LRRC17: variants seen among roughly 807,000 people sequenced by gnomAD.
LRRC17 encodes leucine-rich repeat-containing protein 17.
A neutral mutation model predicts 41.5 loss-of-function variants in LRRC17; 33 were observed. The ratio of observed to expected loss-of-function variants is 0.80; its 90% CI spans 0.60 to 1.06. The LOEUF is 1.06. Among genes scored for constraint, LRRC17 ranks in the 50% least tolerant of loss-of-function variants. The pLI, the probability that LRRC17 is intolerant of heterozygous loss-of-function variation, is 0.00. For missense variants in LRRC17, 491 were observed against 519.3 expected, an observed-to-expected ratio of 0.95 and a Z score of 0.53; for synonymous variants, 192 against 197.0, an observed-to-expected ratio of 0.97 and a Z score of 0.21.
chr7:102,936,347 A>C (rs1438697394), intron 2 of LRRC17: 1 of 152,218 alleles, frequency 6.6e-6, no homozygotes, highest in East Asian at 1.9e-4. Flanking sequence ...TAAGAAGTGA[A>C]TCTTGGTCTA....
chr7:102,932,943 G>A (rs1330421118), intron 1 of LRRC17: 2 of 152,202 alleles, frequency 1.3e-5, no homozygotes, highest in Non-Finnish European at 2.9e-5. Context: ...TACTTATCAA[G>A]GAGATATAGC....
At chr7:102,919,738 T>C (rs1454405018) in intron 1 of LRRC17, among the ~76,000 whole-genome samples, 4 of 152,174 alleles carry the variant, frequency 2.6e-5, no homozygotes, top group African/African-American at 9.7e-5. Context: ...TGAAGAGAAG[T>C]TTCTGTTTAT....
chr7:102,939,446 AAAC>A lies in LRRC17; in HGVS notation c.794_796del (p.Asn265del), dbSNP rs756504821. On this transcript the variant is annotated inframe_deletion, in exon 3 of 4. Coordinates refer to ENST00000339431, the MANE Select transcript of LRRC17 (RefSeq NM_001031692.3). ...ATTTTCCAGAGTTGAAAAAAGTGCC[AAAC>A]AACATCCCTCCAGATATTGTTAAAC... 2.7e-5 allele frequency: 44 copies of A among 1,605,682 alleles called. No homozygotes were observed. The highest frequency in any genetic ancestry group is 3.7e-5 in the Non-Finnish European group (44 of 1,177,838).
intron 3 of LRRC17, among the ~76,000 whole-genome samples, chr7:102,942,732 T>C (rs1195833982): frequency 1.3e-5 from 2 of 152,114 alleles, no homozygotes; most frequent in African/African-American, 4.8e-5. Flanking sequence ...TAGAAAGTTA[T>C]TTTTTTAAGG....
intron 1 of LRRC17, among the ~76,000 whole-genome samples, chr7:102,919,595 T>C (rs1272135480): frequency 1.3e-5 from 2 of 152,142 alleles, no homozygotes; most frequent in African/African-American, 4.8e-5. Context: ...AAAAAATAGG[T>C]TACCAACAAA....
chr7:102,933,826 G>A lies in LRRC17; in HGVS notation c.-88G>A. 1 of 1,397,554 alleles carries A rather than the reference G, an allele frequency of 7.2e-7. No homozygotes were observed. Among genetic ancestry groups the A allele is most frequent in the Non-Finnish European group, 9.6e-7 (1 of 1,044,076 alleles). 86.6% of individuals were successfully genotyped at this position (1,397,554 alleles called of 1,614,324 possible). ...GTCTCATTGTTCCAGAACTGCATTAGTTAAGATTACCCAGACTTGGATTTC... is the reference window on the plus strand; with the variant it reads ...GTCTCATTGTTCCAGAACTGCATTAATTAAGATTACCCAGACTTGGATTTC... On this transcript the variant is annotated 5_prime_UTR_variant, in exon 2 of 4. Transcript: ENST00000339431.
intron 1 of LRRC17, among the ~76,000 whole-genome samples, chr7:102,918,735 G>A (rs931243822): frequency 6.6e-6 from 1 of 152,154 alleles, no homozygotes; most frequent in Admixed American, 6.6e-5. Context: ...GCTGGGTGTA[G>A]CCTGGGTGAA....
intron 1 of LRRC17, among the ~76,000 whole-genome samples, chr7:102,923,079 A>G (rs1817398645): frequency 6.6e-6 from 1 of 152,234 alleles, no homozygotes; most frequent in Non-Finnish European, 1.5e-5. Context: ...ACACAAGGTG[A>G]TATATGTCAA....
intron 3 of LRRC17, among the ~76,000 whole-genome samples, chr7:102,940,895 TATTAATA>T: frequency 6.6e-6 from 1 of 152,224 alleles, no homozygotes. Context: ...TTATTAAAAT[TATTAATA>T]ATGTAATGTA....
chr7:102,922,699 G>A (rs1366663415), intron 1 of LRRC17, among the ~76,000 whole-genome samples: 4 of 152,230 alleles, frequency 2.6e-5, no homozygotes, highest in South Asian at 2.1e-4. Context: ...ATGACTGGGC[G>A]TGGTGGCTCA....
chr7:102,932,180 CT>C (rs2129473215), intron 1 of LRRC17, among the ~76,000 whole-genome samples: 1 of 152,236 alleles, frequency 6.6e-6, no homozygotes, highest in East Asian at 1.9e-4. Context: ...AAAAATATTA[CT>C]TTGGGAAAAA....
At chr7:102,922,654 G>A (rs1291643555) in intron 1 of LRRC17, among the ~76,000 whole-genome samples, 1 of 152,098 alleles carries the variant, frequency 6.6e-6, no homozygotes, top group African/African-American at 2.4e-5. Flanking sequence ...TCTTATAAAT[G>A]TAGCCAGCCA....
At chr7:102,937,237 C>T (rs898917366) in intron 2 of LRRC17, among the ~76,000 whole-genome samples, 6 of 151,830 alleles carry the variant, frequency 4.0e-5, no homozygotes, top group Non-Finnish European at 5.9e-5. Flanking sequence ...CAGTGGCTCA[C>T]GCCTATAATC....
rs373854239 is a variant in LRRC17, at chr7:102,925,543, A to G, written c.-140-8231A>G. Among the ~76,000 whole-genome samples, 30 of 152,340 alleles carry G rather than the reference A, an allele frequency of 2.0e-4. No homozygotes were observed. In the East Asian group the frequency reaches 4.8e-3, roughly 25 times the overall value. ...AAACGGTCAAAAAACAAGCAGTGTC[A>G]AGCTCCCTAGAGGTGGTGGGAGTCT... On this transcript the variant is annotated intron_variant, in intron 1 of 3. Coordinates refer to ENST00000339431, the MANE Select transcript of LRRC17 (RefSeq NM_001031692.3).
At chr7:102,916,145 G>A (rs959981367) in intron 1 of LRRC17, among the ~76,000 whole-genome samples, 17 of 152,104 alleles carry the variant, frequency 1.1e-4, no homozygotes, top group Non-Finnish European at 2.2e-4. Flanking sequence ...CACGACGCCT[G>A]GCTAATTTTT....
chr7:102,920,985 CTACTAAAAA>C (rs1584943951), intron 1 of LRRC17, among the ~76,000 whole-genome samples: 1 of 151,992 alleles, frequency 6.6e-6, no homozygotes, highest in Non-Finnish European at 1.5e-5. Flanking sequence ...AACCCTGTCG[CTACTAAAAA>C]TACAAATATT....
Position 102,934,324 on chromosome 7 carries a change from G to T in LRRC17, c.411G>T (p.Gln137His). Residue 137 changes from glutamine (Q) to histidine (H), a missense_variant, in exon 2 of 4, where the codon CAG becomes CAT. By Grantham distance (24) the Gln-to-His change is conservative (BLOSUM62 0). Transcript: ENST00000339431. ...ACAAACTCACCACCCTCTTACTGCA[G>T]CACAACCAGATCAAAGTCTTGACGG... ...GLNKLTTLLL[Q>H]HNQIKVLTEE... 1 of 1,614,124 alleles carries T rather than the reference G, an allele frequency of 6.2e-7. No individual in the cohort carries two copies. The highest frequency in any genetic ancestry group is 8.5e-7 in the Non-Finnish European group (1 of 1,179,996).
In LRRC17 at chr7:102,934,038, C is replaced by A; in HGVS notation, c.125C>A (p.Ser42Tyr). The A allele has an allele frequency of 6.2e-7, 1 of 1,614,090 alleles. No homozygotes were observed. The highest frequency in any genetic ancestry group is 8.5e-7 in the Non-Finnish European group (1 of 1,179,946). Residue 42 changes from serine to tyrosine, a missense_variant, in exon 2 of 4, where the codon TCC becomes TAC. By Grantham distance (144) the Ser-to-Tyr change is moderately radical. Coordinates refer to ENST00000339431, the MANE Select transcript of LRRC17 (RefSeq NM_001031692.3). ...HGRAGGGRRG[S>Y]NPVKRYAPGL... The stretch of plus-strand genomic sequence containing the variant: ...CGGGCGGGTGGAGGCCGGAGAGGCT[C>A]CAACCCGGTCAAACGCTACGCACCA...
intron 1 of LRRC17, among the ~76,000 whole-genome samples, chr7:102,930,620 GA>G (rs879736514): frequency 2.6e-5 from 4 of 152,126 alleles, no homozygotes; most frequent in Non-Finnish European, 4.4e-5. Context: ...GGTTCTTTCT[GA>G]AACTCTTTAC....
Sources: allele counts gnomAD v4.1 joint callset (sites outside exome capture counted in the v4.1 genomes callset), GRCh38; gene constraint gnomAD v4.1.1; transcripts MANE v1.5; gene names NCBI Gene and HGNC (gene_info 2026-07-23, HGNC 2026-07-21).